Variants in PDIA5 observed in about 807,000 individuals in gnomAD.
PDIA5 encodes the protein protein disulfide-isomerase A5.
A neutral mutation model predicts 77.6 loss-of-function variants in PDIA5; 58 were observed. That is an observed-to-expected ratio of 0.75 (90% confidence interval 0.61 to 0.93). PDIA5 has a LOEUF of 0.93. Among genes scored for constraint, PDIA5 ranks in the 40% least tolerant of loss-of-function variants. PDIA5 has a pLI of 0.00. For synonymous variants in PDIA5, 250 were observed against 252.1 expected (o/e 0.99, Z 0.08); for missense variants, 630 against 647.7 (o/e 0.97, Z 0.30).
intron 3 of PDIA5, among the ~76,000 whole-genome samples, chr3:123,095,161 A>T (rs1934400054): frequency 6.6e-6 from 1 of 152,198 alleles, no homozygotes; most frequent in Non-Finnish European, 1.5e-5. Flanking sequence ...GTGAAATGGG[A>T]CAGCGATATG....
chr3:123,105,180 T>TG (rs1934696445), intron 5 of PDIA5, among the ~76,000 whole-genome samples: 1 of 152,240 alleles, frequency 6.6e-6, no homozygotes. Flanking sequence ...GAGCACCTAC[T>TG]GAACTCCAGA....
At chr3:123,146,985 A>G (rs1334319533) in intron 13 of PDIA5, among the ~76,000 whole-genome samples, 1 of 151,698 alleles carries the variant, frequency 6.6e-6, no homozygotes, top group Non-Finnish European at 1.5e-5. Flanking sequence ...AATTTTTTGT[A>G]TTTTTAGTAG....
chr3:123,069,099 C>T (rs964002524), intron 1 of PDIA5, among the ~76,000 whole-genome samples: 4 of 152,170 alleles, frequency 2.6e-5, no homozygotes, highest in African/African-American at 9.7e-5. Context: ...GTTGGCTTAG[C>T]GGGTAGGAGG....
rs974666717 is a variant in PDIA5, at chr3:123,162,059, G to A, written c.*99G>A. The stretch of plus-strand genomic sequence containing the variant: ...TTCTGAAGACAAATTTTTTATAGCC[G>A]CTTATGGCCATTTTGTACAATTTTG... On this transcript the variant is annotated 3_prime_UTR_variant, in exon 17 of 17. Transcript: ENST00000316218. 17 of 734,858 alleles carry A rather than the reference G, an allele frequency of 2.3e-5. No homozygotes were observed. Among genetic ancestry groups the A allele is most frequent in the African/African-American group, 1.6e-4 (9 of 55,868 alleles). The allele number at this position is 734,858 out of a possible 1,614,324, so 45.5% of individuals were successfully genotyped here. A position where few individuals can be genotyped will look rare whatever the true frequency, so the allele number is the denominator to read the frequency against.
intron 1 of PDIA5, among the ~76,000 whole-genome samples, chr3:123,081,323 A>G (rs1933998969): frequency 6.6e-6 from 1 of 152,208 alleles, no homozygotes; most frequent in South Asian, 2.1e-4. Flanking sequence ...ACAACTAGTA[A>G]TAATCAAAGT....
intron 14 of PDIA5, among the ~76,000 whole-genome samples, chr3:123,151,656 G>T (rs190203892): frequency 6.6e-6 from 1 of 152,228 alleles, no homozygotes; most frequent in East Asian, 1.9e-4. Flanking sequence ...TGCTGGGACC[G>T]ACAGGTGCTT....
chr3:123,146,772 A>G (rs963461619), intron 13 of PDIA5, among the ~76,000 whole-genome samples: 7 of 152,184 alleles, frequency 4.6e-5, no homozygotes, highest in African/African-American at 7.2e-5. Context: ...GTGGCTCAAC[A>G]ATATAATATA....
At chr3:123,128,202 G>T (rs1359992275) in intron 10 of PDIA5, among the ~76,000 whole-genome samples, 1 of 152,242 alleles carries the variant, frequency 6.6e-6, no homozygotes. Context: ...GCTTCAAGGA[G>T]TGGGCCCCTG....
chr3:123,093,380 A>C (rs1934348102), intron 3 of PDIA5, among the ~76,000 whole-genome samples: 1 of 152,170 alleles, frequency 6.6e-6, no homozygotes, highest in African/African-American at 2.4e-5. Context: ...TCTAGTTCAT[A>C]GTTGGTCCAA....
At chr3:123,091,345 G>A (rs970782463) in intron 2 of PDIA5, among the ~76,000 whole-genome samples, 7 of 152,114 alleles carry the variant, frequency 4.6e-5, no homozygotes, top group Non-Finnish European at 1.0e-4. Flanking sequence ...GCTTGGGGAT[G>A]TATCATATGG....
chr3:123,126,565 T>A (rs1342110356), intron 10 of PDIA5, among the ~76,000 whole-genome samples: 2 of 152,240 alleles, frequency 1.3e-5, no homozygotes, highest in Non-Finnish European at 2.9e-5. Context: ...TTATTTCCCC[T>A]ACATAGATCT....
At chr3:123,093,212 T>G (rs971341539) in intron 3 of PDIA5, among the ~76,000 whole-genome samples, 2 of 152,050 alleles carry the variant, frequency 1.3e-5, no homozygotes, top group African/African-American at 4.8e-5. Flanking sequence ...AAGCACTGAG[T>G]GAAACTAGGA....
chr3:123,151,968 C>CCTTCCTGCCTGCCTTT (rs1935918042), intron 14 of PDIA5, among the ~76,000 whole-genome samples: 3 of 103,726 alleles, frequency 2.9e-5, no homozygotes, highest in East Asian at 2.8e-4. Flanking sequence ...TGCCTGCCTT[C>CCTTCCTGCCTGCCTTT]CTTCCTGCCT....
chr3:123,149,675 T>C (rs1466405286), intron 13 of PDIA5, among the ~76,000 whole-genome samples: 1 of 152,328 alleles, frequency 6.6e-6, no homozygotes, highest in East Asian at 1.9e-4. Context: ...TTTTCATACA[T>C]TCTCTGCTCT....
At position 123,130,576 on chromosome 3, in the gene PDIA5, G is replaced by A. The variant is rs774654211; in HGVS notation, c.870G>A (p.Val290=). 3.1e-6 allele frequency: 5 copies of A among 1,614,166 alleles called. No homozygotes were observed. Among genetic ancestry groups the A allele is most frequent in the Non-Finnish European group, 3.4e-6 (4 of 1,180,018 alleles). ...CCGATGAAGACTTTGACCAGTTTGT[G>A]AAGGAACACTCCTCTGTCCTCGTCA... is the stretch of plus-strand genomic sequence containing the variant. ...HLTDEDFDQF[V]KEHSSVLVMF... The change falls in exon 11 of 17, where the codon GTG becomes GTA. Residue 290 remains valine (V), a synonymous_variant. Transcript: ENST00000316218.
At chr3:123,121,899 C>T (rs1227485488) in intron 8 of PDIA5, among the ~76,000 whole-genome samples, 4 of 152,208 alleles carry the variant, frequency 2.6e-5, no homozygotes, top group South Asian at 2.1e-4. Context: ...AGGAAATGCG[C>T]GACCCCATGG....
chr3:123,090,154 T>C (rs892535958), intron 2 of PDIA5, among the ~76,000 whole-genome samples: 1 of 152,166 alleles, frequency 6.6e-6, no homozygotes, highest in Non-Finnish European at 1.5e-5. Context: ...CCTCCAGGCA[T>C]CCCTGGCACG....
rs749416964 is a variant in PDIA5 at position 123,102,396 on chromosome 3, A to G, written c.258-15A>G. ...CTTCAGGTAATAAATGGTTCCCAAC[A>G]TTTGTGTCTTCCAGTGATGCAGAGA... is the stretch of plus-strand genomic sequence containing the variant. On this transcript the variant is annotated splice_polypyrimidine_tract_variant and intron_variant, in intron 3 of 16. Coordinates refer to ENST00000316218, the MANE Select transcript of PDIA5 (RefSeq NM_006810.4). 6.2e-7 allele frequency: 1 copy of G among 1,606,320 alleles called. No homozygotes were observed. Among genetic ancestry groups the G allele is most frequent in the Non-Finnish European group, 8.5e-7 (1 of 1,172,900 alleles).
intron 1 of PDIA5, among the ~76,000 whole-genome samples, chr3:123,083,424 G>C (rs777682625): frequency 6.6e-6 from 1 of 152,190 alleles, no homozygotes; most frequent in Non-Finnish European, 1.5e-5. Flanking sequence ...CCCAGCCAGC[G>C]GGGGCAGCTC....
Sources: gnomAD v4.1 joint callset for allele counts (sites outside exome capture counted in the v4.1 genomes callset) on GRCh38, gnomAD v4.1.1 for gene constraint, MANE v1.5 for transcripts, NCBI Gene and HGNC (gene_info 2026-07-23, HGNC 2026-07-21) for gene names.